The following OPHN1 variants were observed in gnomAD, a reference collection of about 807,000 sequenced individuals.
OPHN1 encodes the protein oligophrenin-1.
In OPHN1, 11 loss-of-function variants were observed where a neutral mutation model predicts 60.7. The observed-to-expected ratio is 0.18, with a 90% CI of 0.11 to 0.30. The LOEUF (loss-of-function observed/expected upper bound fraction) is 0.30. Among genes scored for constraint, OPHN1 ranks in the 10% least tolerant of loss-of-function variants. OPHN1 has a pLI of 1.00. For missense variants in OPHN1, 449 were observed against 611.0 expected (o/e 0.73, Z 2.80); for synonymous variants, 226 against 222.6 (o/e 1.02, Z -0.14).
Position 68,052,532 on chromosome X carries a change from T to C in OPHN1, c.2375+8A>G, listed in dbSNP as rs2076856432. ...TTTGGTTTTTCTTTTGTCACCTCCA[T>C]ATCTTACCTTCCTGTTTTCCGGGAA... On this transcript the variant is annotated splice_region_variant and intron_variant, in intron 23 of 24. Coordinates refer to ENST00000355520, the MANE Select transcript of OPHN1 (RefSeq NM_002547.3). 8.3e-7 allele frequency: 1 copy of C among 1,203,191 alleles called. No individual in the cohort carries two copies. Among genetic ancestry groups the C allele is most frequent in the Non-Finnish European group, 1.1e-6 (1 of 890,391 alleles).
intron 17 of OPHN1, among the ~76,000 whole-genome samples, chrX:68,112,840 CGT>C (rs1454195814): frequency 8.9e-6 from 1 of 112,095 alleles, no homozygotes; most frequent in Non-Finnish European, 1.9e-5. Flanking sequence ...CGGCAACTGT[CGT>C]GTAACCATTT....
intron 8 of OPHN1, among the ~76,000 whole-genome samples, chrX:68,210,855 G>A (rs2147480307): frequency 8.9e-6 from 1 of 111,845 alleles, no homozygotes; most frequent in African/African-American, 3.2e-5. Flanking sequence ...TAAGACATGT[G>A]TTGAAATGTG....
chrX:68,274,362 G>C (rs1472153013), intron 5 of OPHN1, among the ~76,000 whole-genome samples: 2 of 112,060 alleles, frequency 1.8e-5, no homozygotes, highest in Non-Finnish European at 3.8e-5. Flanking sequence ...ATACATGATA[G>C]CTAGCTAGTT....
At chrX:68,203,631 T>C (rs1199910439) in intron 10 of OPHN1, among the ~76,000 whole-genome samples, 1 of 112,048 alleles carries the variant, frequency 8.9e-6, no homozygotes, top group Non-Finnish European at 1.9e-5. Flanking sequence ...TTCAATGACA[T>C]TGCAGCTCAG....
At chrX:68,260,171 A>T (rs1372039704) in intron 5 of OPHN1, among the ~76,000 whole-genome samples, 1 of 108,277 alleles carries the variant, frequency 9.2e-6, no homozygotes, top group Non-Finnish European at 1.9e-5. Context: ...TAACACCCCG[A>T]CTCTTGGAGG....
intron 21 of OPHN1, among the ~76,000 whole-genome samples, chrX:68,061,922 A>T (rs928344616): frequency 8.9e-6 from 1 of 112,064 alleles, no homozygotes; most frequent in African/African-American, 3.2e-5. Flanking sequence ...GTTCATACTG[A>T]GGTTGTTATA....
intron 2 of OPHN1, among the ~76,000 whole-genome samples, chrX:68,407,362 G>A (rs2078748562): frequency 8.9e-6 from 1 of 111,934 alleles, no homozygotes; most frequent in Admixed American, 9.5e-5. Context: ...GGATAATGAT[G>A]CCTATATGTT....
At chrX:68,069,728 A>G (rs1408964304) in intron 20 of OPHN1, among the ~76,000 whole-genome samples, 1 of 110,708 alleles carries the variant, frequency 9.0e-6, no homozygotes, top group East Asian at 2.9e-4. Context: ...AGAAAGAACT[A>G]TTTAAGTAGA....
chrX:68,212,729 G>GA (rs1471685146), intron 7 of OPHN1, among the ~76,000 whole-genome samples: 12 of 112,153 alleles, frequency 1.1e-4, no homozygotes, highest in Non-Finnish European at 2.1e-4. Flanking sequence ...CTCAGCTTCA[G>GA]AAAAAAAGAA....
At chrX:68,055,509 T>C (rs2076869152) in intron 21 of OPHN1, among the ~76,000 whole-genome samples, 1 of 111,692 alleles carries the variant, frequency 9.0e-6, no homozygotes, top group Admixed American at 9.5e-5. Context: ...TTGGTGGGAG[T>C]GTAAACTAGT....
rs1262640434 is a variant in OPHN1, at chrX:68,125,954, T to TATATATATACATATATATATAC, written c.1277-6623_1277-6622insGTATATATATATGTATATATAT. On this transcript the variant is annotated intron_variant, in intron 15 of 24. Coordinates refer to ENST00000355520, the MANE Select transcript of OPHN1 (RefSeq NM_002547.3). ...CAATATATATATATATATATATATA[T>TATATATATACATATATATATAC]ATACATACACACACACACACACACA... Among the ~76,000 whole-genome samples, 28 of 55,827 alleles carry TATATATATACATATATATATAC rather than the reference T, an allele frequency of 5.0e-4. 2 individuals are homozygous for TATATATATACATATATATATAC. The highest frequency in any genetic ancestry group is 1.5e-3 in the South Asian group (1 of 683). The allele number at this position is 55,827 out of a possible 115,157, so 48.5% of individuals were successfully genotyped here.
At chrX:68,112,789 G>A (rs376454135) in intron 17 of OPHN1, among the ~76,000 whole-genome samples, 3 of 112,209 alleles carry the variant, frequency 2.7e-5, no homozygotes, top group African/African-American at 6.5e-5. Context: ...CAACACAGTC[G>A]AAAAGCATTT....
intron 4 of OPHN1, among the ~76,000 whole-genome samples, chrX:68,278,898 A>T (rs1279471217): frequency 9.1e-6 from 1 of 109,693 alleles, no homozygotes; most frequent in Non-Finnish European, 1.9e-5. Context: ...AAAATAAAAT[A>T]AAAAAAATTT....
At chrX:68,170,331 G>A (rs1348197790) in intron 15 of OPHN1, among the ~76,000 whole-genome samples, 7 of 105,409 alleles carry the variant, frequency 6.6e-5, no homozygotes, top group African/African-American at 2.5e-4. Flanking sequence ...TACACTGTTG[G>A]TGGGACTGTA....
intron 3 of OPHN1, among the ~76,000 whole-genome samples, chrX:68,284,799 A>G (rs1378999877): frequency 9.0e-6 from 1 of 111,693 alleles, no homozygotes; most frequent in Non-Finnish European, 1.9e-5. Flanking sequence ...AACACATGTG[A>G]CCTCTGAATC....
chrX:68,089,848 C>A (rs889411203), intron 19 of OPHN1, among the ~76,000 whole-genome samples: 12 of 111,742 alleles, frequency 1.1e-4, no homozygotes, highest in African/African-American at 2.0e-4. Flanking sequence ...GTGTGAAAGA[C>A]CTCCACTTAG....
intron 5 of OPHN1, among the ~76,000 whole-genome samples, chrX:68,261,249 A>C (rs1035700055): frequency 3.6e-5 from 4 of 111,657 alleles, no homozygotes; most frequent in Non-Finnish European, 7.5e-5. Flanking sequence ...GCACCCTTGA[A>C]AAAGAACTGA....
intron 15 of OPHN1, chrX:68,133,230 C>A: frequency 1.4e-6 from 1 of 712,156 alleles, no homozygotes; most frequent in Non-Finnish European, 2.3e-6. Flanking sequence ...CCAGGTTCCT[C>A]ATGGATGAAG....
chrX:68,214,277 G>A (rs1363667348), intron 6 of OPHN1, among the ~76,000 whole-genome samples: 2 of 112,086 alleles, frequency 1.8e-5, no homozygotes, highest in Non-Finnish European at 3.8e-5. Flanking sequence ...TGAAGTCAGA[G>A]GAAAATCTGC....
Sources: gnomAD v4.1 joint callset for allele counts (sites outside exome capture counted in the v4.1 genomes callset) on GRCh38, gnomAD v4.1.1 for gene constraint, MANE v1.5 for transcripts, NCBI Gene and HGNC (gene_info 2026-07-23, HGNC 2026-07-21) for gene names.